The following PKMYT1 variants were observed in gnomAD, a reference collection of about 807,000 sequenced individuals.
The protein encoded by PKMYT1 is membrane-associated tyrosine- and threonine-specific cdc2-inhibitory kinase.
A neutral mutation model predicts 49.7 loss-of-function variants in PKMYT1; 35 were observed. That is an observed-to-expected ratio of 0.70 (90% CI 0.54 to 0.93). The LOEUF is 0.93. Among genes scored for constraint, PKMYT1 ranks in the 40% least tolerant of loss-of-function variants. The pLI is 0.00. For missense variants in PKMYT1, 677 were observed against 673.1 expected (o/e 1.01, Z -0.06); for synonymous variants, 331 against 287.6 (o/e 1.15, Z -1.53).
intron 2 of PKMYT1, 59 bp downstream of exon 2, chr16:2,979,589 G>A (rs888713313): frequency 7.2e-7 from 1 of 1,396,088 alleles, no homozygotes; most frequent in East Asian, 2.3e-5. Context: ...GGCACACTCG[G>A]GGACCTGGGC....
At position 2,972,879 on chromosome 16, in the gene PKMYT1, G is replaced by A; in HGVS notation, c.*74C>T. 1 of 1,541,288 alleles carries A rather than the reference G, an allele frequency of 6.5e-7. No individual in the cohort carries two copies. Among genetic ancestry groups the A allele is most frequent in the Non-Finnish European group, 8.8e-7 (1 of 1,137,696 alleles). ...CAGAGAAGACCATGGGAGTTCCCGA[G>A]GGGCCCCAGCTTTCAAGGGCGACGG... On this transcript the variant is annotated 3_prime_UTR_variant, in exon 9 of 9. Transcript: ENST00000262300.
At position 2,974,668 on chromosome 16, in the gene PKMYT1, G is replaced by A. The variant is rs771722268; in HGVS notation, c.873-12C>T. 1.4e-5 allele frequency: 21 copies of A among 1,533,542 alleles called. No individual in the cohort carries two copies. Among genetic ancestry groups the A allele is most frequent in the South Asian group, 3.6e-5 (3 of 83,908 alleles). The allele number at this position is 1,533,542 out of a possible 1,614,324, so 95.0% of individuals were successfully genotyped here. On this transcript the variant is annotated splice_polypyrimidine_tract_variant and intron_variant, in intron 4 of 8. Transcript: ENST00000262300. ...TGGTGAGGCCCAGACTGGCAGGGACGGGATGGGGACAGAAAGGGGCAGGGT... is the reference window on the plus strand; with the variant it reads ...TGGTGAGGCCCAGACTGGCAGGGACAGGATGGGGACAGAAAGGGGCAGGGT...
chr16:2,974,581 G>C lies in PKMYT1; in HGVS notation c.948C>G (p.Arg316=). The stretch of plus-strand genomic sequence containing the variant: ...TGAACTCAGGGGGCAGGTAGCCCTG[G>C]CGCAGCTGCTGCCAGCCCTCCCCAC... ...PHGGEGWQQL[R]QGYLPPEFTA... Residue 316 remains arginine, a synonymous_variant, in exon 5 of 9, where the codon CGC becomes CGG. Coordinates refer to ENST00000262300, the MANE Select transcript of PKMYT1 (RefSeq NM_004203.5). 6.3e-7 allele frequency: 1 copy of C among 1,582,390 alleles called. No individual in the cohort carries two copies. The highest frequency in any genetic ancestry group is 8.6e-7 in the Non-Finnish European group (1 of 1,164,656).
chr16:2,980,078 G>A (rs943302686), intron 1 of PKMYT1, 166 bp from the exon 2 acceptor site: 3 of 224,668 alleles, frequency 1.3e-5, no homozygotes, highest in Non-Finnish European at 2.7e-5. Flanking sequence ...GGGGCGAGTA[G>A]GGCGGGACCG....
rs1285801669 is a variant in PKMYT1, at chr16:2,974,040, C to T, written c.1270G>A (p.Asp424Asn). 1 of 1,612,648 alleles carries T rather than the reference C, an allele frequency of 6.2e-7. No individual in the cohort carries two copies. The highest frequency in any genetic ancestry group is 1.7e-5 in the Admixed American group (1 of 59,988). ...PGSPPCSLLL[D>N]SSLSSNWDDD... ...TCCCAGTTGCTGGAGAGGCTGCTGTCCAGGAGCAAACTGCAGGGTGGTGAG... is the reference window on the plus strand; with the variant it reads ...TCCCAGTTGCTGGAGAGGCTGCTGTTCAGGAGCAAACTGCAGGGTGGTGAG... The change falls in exon 7 of 9, where the codon GAC becomes AAC. Residue 424 changes from aspartate to asparagine, a missense_variant. Asp to Asn is a conservative substitution (Grantham distance 23). Transcript: ENST00000262300.
chr16:2,976,649 C>G lies in PKMYT1; in HGVS notation c.378+15G>C, dbSNP rs559871294. On this transcript the variant is annotated intron_variant, in intron 3 of 8. Coordinates refer to ENST00000262300, the MANE Select transcript of PKMYT1 (RefSeq NM_004203.5). ...AGGTCCCCCAGATGGGCCTAGAAGC[C>G]GTCCCCTCACTCACCTTGAAGACCT... 14 of 1,439,148 alleles carry G rather than the reference C, an allele frequency of 9.7e-6. 1 individual carries two copies. In the South Asian group the frequency reaches 2.1e-4, roughly 21 times the overall value. The allele number at this position is 1,439,148 out of a possible 1,614,324, so 89.1% of individuals were successfully genotyped here.
At chr16:2,974,751 C>A (rs1238425098) in intron 4 of PKMYT1, 95 bp from the exon 5 acceptor site, 2 of 763,310 alleles carry the variant, frequency 2.6e-6, no homozygotes, top group African/African-American at 1.7e-5. Context: ...TGGGAGAGGG[C>A]TGCTGTCTTC....
At position 2,972,832 on chromosome 16, in the gene PKMYT1, C is replaced by CT. The variant is rs2072034193; in HGVS notation, c.*120dup. ...CTTGGGTGCTCCCAAGGTTCAAATA[C>CT]TTTTTATTAGACACGGCCAGGCAGA... On this transcript the variant is annotated 3_prime_UTR_variant, in exon 9 of 9. Transcript: ENST00000262300. 6.5e-6 allele frequency: 10 copies of CT among 1,533,320 alleles called. No individual in the cohort carries two copies. Among genetic ancestry groups the CT allele is most frequent in the Non-Finnish European group, 8.8e-6 (10 of 1,135,370 alleles). The allele number at this position is 1,533,320 out of a possible 1,614,324, so 95.0% of individuals were successfully genotyped here.
chr16:2,976,073 C>T (rs545235801), intron 3 of PKMYT1: 11 of 450,440 alleles, frequency 2.4e-5, no homozygotes, highest in African/African-American at 1.6e-4. Flanking sequence ...GGATGTGTCA[C>T]GAGGTGGAAA....
At position 2,976,594 on chromosome 16, in the gene PKMYT1, C is replaced by T. The variant is rs2072199834; in HGVS notation, c.378+70G>A. The T allele has an allele frequency of 2.9e-6, 4 of 1,396,768 alleles. No individual in the cohort carries two copies. In the South Asian group the frequency reaches 8.1e-5, roughly 28 times the overall value. 86.5% of individuals were successfully genotyped at this position (1,396,768 alleles called of 1,614,324 possible). On this transcript the variant is annotated intron_variant, in intron 3 of 8. Transcript: ENST00000262300. ...GGGATCAGGCTGCCCAGGACACTGT[C>T]CTGCCAAGGGAGGTGCAGAAACACA... is the stretch of plus-strand genomic sequence containing the variant.
chr16:2,972,956 G>T lies in PKMYT1; in HGVS notation c.1497C>A (p.Thr499=). The T allele has an allele frequency of 6.2e-7, 1 of 1,604,002 alleles. No homozygotes were observed. Among genetic ancestry groups the T allele is most frequent in the Non-Finnish European group, 8.5e-7 (1 of 1,175,968 alleles). The change falls in exon 9 of 9, where the codon ACC becomes ACA. Residue 499 remains threonine, a synonymous_variant. Transcript: ENST00000262300. ...LSLFEDTLDP[T] ...GTGCAGAGGCAGAGTCTGGGGCTCA[G>T]GTTGGGTCTAGGGTGTCCTCAAACA...
rs2072308711 is a variant in PKMYT1, at chr16:2,980,326, A to T, written c.-296T>A. On this transcript the variant is annotated 5_prime_UTR_variant, in exon 1 of 9. Coordinates refer to ENST00000262300, the MANE Select transcript of PKMYT1 (RefSeq NM_004203.5). The stretch of plus-strand genomic sequence containing the variant: ...GGGGCGCGGGTCCGCGAGGGCCCAG[A>T]TTCCGGGTCCGCGGAGGCCACGGGA... 6.6e-6 allele frequency: 1 copy of T among 152,440 alleles called. No homozygotes were observed. The highest frequency in any genetic ancestry group is 6.5e-5 in the Admixed American group (1 of 15,284). The allele number at this position is 152,440 out of a possible 1,614,324, so 9.4% of individuals were successfully genotyped here.
chr16:2,979,678 C>A lies in PKMYT1; in HGVS notation c.-21G>T, dbSNP rs200568818. ...AGCATGACTGGCCTGGCCCAACAGCCTCAGTGGTGGGACGGGGGAGGCAGG... is the reference window on the plus strand; with the variant it reads ...AGCATGACTGGCCTGGCCCAACAGCATCAGTGGTGGGACGGGGGAGGCAGG... On this transcript the variant is annotated 5_prime_UTR_variant, in exon 2 of 9. In the 5' UTR this introduces an upstream ATG that the reference lacks. Coordinates refer to ENST00000262300, the MANE Select transcript of PKMYT1 (RefSeq NM_004203.5). The A allele has an allele frequency of 6.2e-7, 1 of 1,613,906 alleles. No homozygotes were observed. The highest frequency in any genetic ancestry group is 2.2e-5 in the East Asian group (1 of 44,886).
chr16:2,978,112 G>A (rs558099727), intron 2 of PKMYT1, among the ~76,000 whole-genome samples: 1 of 152,284 alleles, frequency 6.6e-6, no homozygotes, highest in African/African-American at 2.4e-5. Flanking sequence ...GTGCCCCGCT[G>A]TCCTGCCCCC....
intron 2 of PKMYT1, among the ~76,000 whole-genome samples, chr16:2,979,034 AT>A (rs1482310427): frequency 4.0e-5 from 6 of 149,536 alleles, no homozygotes; most frequent in Non-Finnish European, 8.9e-5. Context: ...GCACCAAAGT[AT>A]TATAAAAAAC....
chr16:2,976,531 CTG>C (rs1301004443), intron 3 of PKMYT1, 131 bp downstream of exon 3: 3 of 860,658 alleles, frequency 3.5e-6, no homozygotes, highest in Non-Finnish European at 4.9e-6. Flanking sequence ...TGGAGGGAGC[CTG>C]TGAGCCCAGC....
Position 2,976,778 on chromosome 16 carries a change from G to A in PKMYT1, c.264C>T (p.Ala88=). 1 of 1,578,948 alleles carries A rather than the reference G, an allele frequency of 6.3e-7. No homozygotes were observed. Among genetic ancestry groups the A allele is most frequent in the South Asian group, 1.1e-5 (1 of 87,182 alleles). ...ACCCAGGGCTCTGCAGAGTCTCTGA[G>A]GCCTCGCCCCGGAATGACACCCGCC... The part of the protein sequence containing the change: ...QPRRVSFRGE[A]SETLQSPGYD... Residue 88 remains alanine, a synonymous_variant, in exon 3 of 9, where the codon GCC becomes GCT. Coordinates refer to ENST00000262300, the MANE Select transcript of PKMYT1 (RefSeq NM_004203.5).
In PKMYT1 at chr16:2,974,056, G is replaced by C; in HGVS notation, c.1254C>G (p.Pro418=). 1 of 1,612,388 alleles carries C rather than the reference G, an allele frequency of 6.2e-7. No homozygotes were observed. Among genetic ancestry groups the C allele is most frequent in the East Asian group, 2.2e-5 (1 of 44,882 alleles). The change falls in exon 7 of 9, where the codon CCC becomes CCG. Residue 418 remains proline (P), a synonymous_variant. Transcript: ENST00000262300. ...GGCTGCTGTCCAGGAGCAAACTGCA[G>C]GGTGGTGAGCCAGGCGGGGTGGCTG... ...GPPATPPGSP[P]CSLLLDSSLS...
rs778769502 is a variant in PKMYT1 at position 2,973,047 on chromosome 16, C to G, written c.1406G>C (p.Ser469Thr). 1.2e-6 allele frequency: 2 copies of G among 1,607,050 alleles called. No homozygotes were observed. The highest frequency in any genetic ancestry group is 1.7e-5 in the Admixed American group (1 of 58,770). Residue 469 changes from serine to threonine, a missense_variant, in exon 9 of 9, where the codon AGT becomes ACT. By Grantham distance (58) the Ser-to-Thr change is moderately conservative. Transcript: ENST00000262300. ...RCTPRDALDL[S>T]DINSEPPRGS... ...CCGAGGAGGCTCTGAGTTGATGTCA[C>G]TTAGGTCCAGGGCATCCCTGGGAGG...
Sources: allele counts gnomAD v4.1 joint callset (sites outside exome capture counted in the v4.1 genomes callset), GRCh38; gene constraint gnomAD v4.1.1; transcripts MANE v1.5; gene names NCBI Gene and HGNC (gene_info 2026-07-23, HGNC 2026-07-21).